The following DHX57 variants were observed in gnomAD, a reference collection of about 807,000 sequenced individuals.
DHX57 encodes DExH-box helicase 57.
A neutral mutation model predicts 156.2 loss-of-function variants in DHX57; 105 were observed. That is an observed-to-expected ratio of 0.67 (90% CI 0.57 to 0.79). DHX57 has a LOEUF of 0.79. DHX57 is among the 30% of genes least tolerant of loss of function. The pLI, the probability that DHX57 is intolerant of heterozygous loss-of-function variation, is 0.00. For synonymous variants in DHX57, 704 were observed against 595.6 expected, an observed-to-expected ratio of 1.18 and a Z score of -2.65; for missense variants, 1,847 against 1,661.9, an observed-to-expected ratio of 1.11 and a Z score of -1.94.
At chr2:38,840,108 C>G (rs1671903007) in intron 12 of DHX57, among the ~76,000 whole-genome samples, 1 of 151,950 alleles carries the variant, frequency 6.6e-6, no homozygotes, top group Non-Finnish European at 1.5e-5. Flanking sequence ...ACCACACCAG[C>G]TAATTTAAAA....
intron 9 of DHX57, among the ~76,000 whole-genome samples, chr2:38,849,409 G>A (rs1483345273): frequency 1.3e-5 from 2 of 151,958 alleles, no homozygotes; most frequent in Admixed American, 6.6e-5. Context: ...AATGCTCTTC[G>A]AATGTCAGTC....
intron 3 of DHX57, chr2:38,862,553 C>A: frequency 2.7e-6 from 1 of 375,034 alleles, no homozygotes; most frequent in Non-Finnish European, 4.6e-6. Context: ...TGAACTAACT[C>A]CTTTAATCTT....
chr2:38,867,131 G>C (rs1238390353), intron 2 of DHX57: 1 of 152,192 alleles, frequency 6.6e-6, no homozygotes, highest in Non-Finnish European at 1.5e-5. Flanking sequence ...ATTGCTTAGA[G>C]TATTCAGTAC....
intron 17 of DHX57, among the ~76,000 whole-genome samples, chr2:38,821,139 G>A (rs1294847309): frequency 6.6e-6 from 1 of 151,934 alleles, no homozygotes; most frequent in East Asian, 1.9e-4. Flanking sequence ...GGTCACAGGA[G>A]AATAAAAAGG....
rs376404220 is a variant in DHX57, at chr2:38,815,371, T to C, written c.3606+150A>G. Reference sequence around the variant, plus strand: ...CGAGCCACCGTGCCAGATCAGCTGATATTTATTTGTGCGAAGCAGAAAATC... The same window carrying C: ...CGAGCCACCGTGCCAGATCAGCTGACATTTATTTGTGCGAAGCAGAAAATC... On this transcript the variant is annotated intron_variant, in intron 20 of 23. Coordinates refer to ENST00000457308, the MANE Select transcript of DHX57 (RefSeq NM_198963.3). 18 of 1,061,824 alleles carry C rather than the reference T, an allele frequency of 1.7e-5. No homozygotes were observed. In the African/African-American group the frequency reaches 2.2e-4, roughly 13 times the overall value. The allele number at this position is 1,061,824 out of a possible 1,614,324, so 65.8% of individuals were successfully genotyped here.
rs765474041 is a variant in DHX57 at position 38,813,907 on chromosome 2, G to C, written c.3607-12C>G. The C allele has an allele frequency of 1.9e-6, 3 of 1,612,082 alleles. No individual in the cohort carries two copies. The Admixed American group carries it at 5.0e-5, about 27-fold the overall frequency. On this transcript the variant is annotated splice_polypyrimidine_tract_variant and intron_variant, in intron 20 of 23. Coordinates refer to ENST00000457308, the MANE Select transcript of DHX57 (RefSeq NM_198963.3). ...GCATTTGAGTTTGCCTATGAGAAAA[G>C]CACAGCATTAATTAACAAGTGATAT...
intron 13 of DHX57, among the ~76,000 whole-genome samples, chr2:38,836,641 G>A (rs909939555): frequency 1.3e-5 from 2 of 151,936 alleles, no homozygotes; most frequent in East Asian, 1.9e-4. Context: ...AGGCGTGGAG[G>A]TGCACACCTG....
chr2:38,800,483 T>C (rs1480656280), intron 23 of DHX57, among the ~76,000 whole-genome samples: 2 of 152,222 alleles, frequency 1.3e-5, no homozygotes, highest in Non-Finnish European at 2.9e-5. Context: ...TCCCAGCATC[T>C]GTTTTGCCCC....
chr2:38,800,322 C>G (rs559342988), intron 23 of DHX57, among the ~76,000 whole-genome samples: 83 of 151,942 alleles, frequency 5.5e-4, no homozygotes, highest in Middle Eastern at 3.4e-3. Flanking sequence ...CCACTGCACT[C>G]CAGCCTGGGT....
At chr2:38,818,533 A>G (rs1191109338) in intron 19 of DHX57, among the ~76,000 whole-genome samples, 2 of 152,160 alleles carry the variant, frequency 1.3e-5, no homozygotes, top group Non-Finnish European at 2.9e-5. Flanking sequence ...GTCACAAACA[A>G]ACAAGCAAAC....
At chr2:38,809,992 C>G (rs1395082326) in intron 21 of DHX57, among the ~76,000 whole-genome samples, 1 of 152,010 alleles carries the variant, frequency 6.6e-6, no homozygotes, top group Non-Finnish European at 1.5e-5. Flanking sequence ...CTCCCAGGCT[C>G]AAGCTATTCT....
chr2:38,848,491 G>GT (rs1162727592), intron 9 of DHX57, 89 bp from the exon 10 acceptor site: 14 of 1,307,834 alleles, frequency 1.1e-5, no homozygotes, highest in Non-Finnish European at 1.4e-5. Flanking sequence ...CAAGAAATGT[G>GT]TAAGATCTCT....
intron 20 of DHX57, 132 bp downstream of exon 20, chr2:38,815,389 A>C (rs1670484131): frequency 8.3e-7 from 1 of 1,198,542 alleles, no homozygotes; most frequent in Non-Finnish European, 1.2e-6. Context: ...TGTGCGAAGC[A>C]GAAAATCAAG....
At chr2:38,873,074 G>A (rs1665426761) in intron 1 of DHX57, among the ~76,000 whole-genome samples, 1 of 151,684 alleles carries the variant, frequency 6.6e-6, no homozygotes, top group Non-Finnish European at 1.5e-5. Flanking sequence ...AGCAACCTCC[G>A]CCTCCCAGGT....
chr2:38,824,740 C>T (rs566026708), intron 16 of DHX57, among the ~76,000 whole-genome samples: 111 of 152,160 alleles, frequency 7.3e-4, no homozygotes, highest in African/African-American at 1.6e-3. Flanking sequence ...CTCCACCTCC[C>T]GGGTTCAAGT....
intron 6 of DHX57, 149 bp downstream of exon 6, chr2:38,858,512 A>G (rs1018080697): frequency 5.7e-6 from 6 of 1,049,096 alleles, no homozygotes; most frequent in Non-Finnish European, 8.2e-6. Context: ...TATGCACTTA[A>G]GTTTGCTGTG....
At position 38,802,678 on chromosome 2, in the gene DHX57, G is replaced by A. The variant is rs377023931; in HGVS notation, c.4017+37C>T. 11 of 1,610,806 alleles carry A rather than the reference G, an allele frequency of 6.8e-6. No individual in the cohort carries two copies. In the African/African-American group the frequency reaches 1.5e-4, roughly 22 times the overall value. ...CTTCATATTGTCAAAGCCCCTCATG[G>A]CCTGAGCCTCATAAAACAGACCAAT... On this transcript the variant is annotated intron_variant, in intron 23 of 23. Coordinates refer to ENST00000457308, the MANE Select transcript of DHX57 (RefSeq NM_198963.3).
At chr2:38,803,160 T>C (rs12712621) in intron 22 of DHX57, 266,780 of 440,494 alleles carry the variant, frequency 0.61, 84,372 homozygotes, top group East Asian at 0.82. Context: ...AATTTTTTCG[T>C]AGAGATAGGG....
chr2:38,802,271 T>C (rs1427677252), intron 23 of DHX57, among the ~76,000 whole-genome samples: 1 of 149,572 alleles, frequency 6.7e-6, no homozygotes, highest in Admixed American at 6.9e-5. Context: ...TAGTGTCTCA[T>C]TGTAGACCAT....
Sources: allele counts gnomAD v4.1 joint callset (sites outside exome capture counted in the v4.1 genomes callset), GRCh38; gene constraint gnomAD v4.1.1; transcripts MANE v1.5; gene names NCBI Gene and HGNC (gene_info 2026-07-23, HGNC 2026-07-21).